BICRAL: variants seen among roughly 807,000 people sequenced by gnomAD.
BICRAL encodes BICRA like chromatin remodeling complex associated protein.
In BICRAL, 8 loss-of-function variants were observed where a neutral mutation model predicts 91.8. That is an observed-to-expected ratio of 0.09 (90% CI 0.05 to 0.16). The LOEUF (loss-of-function observed/expected upper bound fraction) is 0.16, where lower values mean the gene tolerates loss of function less well. BICRAL is among the 10% of genes least tolerant of loss of function. The pLI is 1.00. For missense variants in BICRAL, 1,038 were observed against 1,310.9 expected, an observed-to-expected ratio of 0.79 and a Z score of 3.21; for synonymous variants, 445 against 491.1, an observed-to-expected ratio of 0.91 and a Z score of 1.24.
chr6:42,833,107 G>A (rs1764541518), intron 6 of BICRAL, among the ~76,000 whole-genome samples: 1 of 150,954 alleles, frequency 6.6e-6, no homozygotes, highest in Non-Finnish European at 1.5e-5. Context: ...CCAGGCTGGA[G>A]TGCAGTAGCC....
upstream of BICRAL, among the ~76,000 whole-genome samples, chr6:42,780,666 G>A (rs1762884305): frequency 6.6e-6 from 1 of 152,000 alleles, no homozygotes. Context: ...AGTATATTTT[G>A]TGGGCATTTG....
Position 42,862,567 on chromosome 6 carries a change from A to G in BICRAL, c.2407A>G (p.Arg803Gly). ...MIDRMFNQEE[R>G]ASLSRDKRLA... is the part of the protein sequence containing the mutation. ...CGATAGGATGTTCAACCAGGAGGAA[A>G]GAGCTTCCCTGTCCCGAGACAAGCG... The change falls in exon 12 of 13, where the codon AGA (arginine) becomes GGA (glycine). Residue 803 changes from arginine to glycine, a missense_variant. Physicochemically the swap from Arg to Gly is moderately radical, Grantham distance 125. Coordinates refer to ENST00000314073, the MANE Select transcript of BICRAL (RefSeq NM_001393499.1). The G allele has an allele frequency of 6.2e-7, 1 of 1,612,430 alleles. No homozygotes were observed. The highest frequency in any genetic ancestry group is 1.1e-5 in the South Asian group (1 of 90,998).
chr6:42,809,002 T>C (rs892443665), intron 1 of BICRAL, among the ~76,000 whole-genome samples: 2 of 152,058 alleles, frequency 1.3e-5, no homozygotes, highest in African/African-American at 2.4e-5. Context: ...CCCCATGTTA[T>C]AGCACATTTT....
At chr6:42,782,887 TC>T (rs139136081) in intron 1 of BICRAL, among the ~76,000 whole-genome samples, 4 of 147,948 alleles carry the variant, frequency 2.7e-5, no homozygotes, top group African/African-American at 5.0e-5. Context: ...CCCTCTGTTT[TC>T]CCCCCCTCGT....
At chr6:42,782,328 T>G (rs1204244733) in intron 1 of BICRAL, among the ~76,000 whole-genome samples, 14 of 119,074 alleles carry the variant, frequency 1.2e-4, no homozygotes, top group South Asian at 6.2e-4. Flanking sequence ...TAAGGCTGTG[T>G]TTTTTTTTTT....
rs1378711764 is a variant in BICRAL at position 42,865,296 on chromosome 6, T to C, written c.3090T>C (p.Val1030=). The change falls in exon 13 of 13, where the codon GTT becomes GTC. Residue 1030 remains valine (V), a synonymous_variant. Transcript: ENST00000314073. ...GGCAGCCCCAGAGTGACCCCACGGTTAGCGGCTCTGTTGAGTTAGATTTCC... is the reference window on the plus strand; with the variant it reads ...GGCAGCCCCAGAGTGACCCCACGGTCAGCGGCTCTGTTGAGTTAGATTTCC... ...AGRQPQSDPT[V]SGSVELDFPN... 6.2e-7 allele frequency: 1 copy of C among 1,614,192 alleles called. No homozygotes were observed. Among genetic ancestry groups the C allele is most frequent in the South Asian group, 1.1e-5 (1 of 91,084 alleles).
chr6:42,795,969 G>GTAGTT (rs1274832800), intron 1 of BICRAL, among the ~76,000 whole-genome samples: 1 of 152,210 alleles, frequency 6.6e-6, no homozygotes, highest in Non-Finnish European at 1.5e-5. Context: ...CTACACAACA[G>GTAGTT]TGTATGGTAA....
chr6:42,822,747 A>G, intron 3 of BICRAL, 49 bp from the exon 4 acceptor site: 1 of 972,228 alleles, frequency 1.0e-6, no homozygotes, highest in South Asian at 1.4e-5. Context: ...CTAAATATAG[A>G]TAGTATATTT....
chr6:42,777,926 T>C (rs1469727774), upstream of BICRAL, among the ~76,000 whole-genome samples: 3 of 152,194 alleles, frequency 2.0e-5, no homozygotes, highest in African/African-American at 7.2e-5. Flanking sequence ...TTAAGAACTT[T>C]CCTCTTAAAA....
At chr6:42,857,614 A>AAAAAAAAAAAAAAAAAATATAT in intron 10 of BICRAL, among the ~76,000 whole-genome samples, 1 of 96,240 alleles carries the variant, frequency 1.0e-5, no homozygotes, top group African/African-American at 6.5e-5. Context: ...AAAAAAAAAA[A>AAAAAAAAAAAAAAAAAATATAT]ATATATATAT....
chr6:42,828,802 A>G lies in BICRAL; in HGVS notation c.469A>G (p.Asn157Asp), dbSNP rs1239637252. 2 of 1,614,122 alleles carry G rather than the reference A, an allele frequency of 1.2e-6. No individual in the cohort carries two copies. Among genetic ancestry groups the G allele is most frequent in the South Asian group, 2.2e-5 (2 of 91,074 alleles). ...ASFTQASNVS[N>D]YSGQTLQPIG... ...CTTTACTCAGGCTTCTAATGTTTCTAATTACTCAGGTCAGACGCTGCAGCC... is the reference window on the plus strand; with the variant it reads ...CTTTACTCAGGCTTCTAATGTTTCTGATTACTCAGGTCAGACGCTGCAGCC... The change falls in exon 6 of 13, where the codon AAT (asparagine) becomes GAT (aspartate). Residue 157 changes from asparagine (N) to aspartate (D), a missense_variant. Coordinates refer to ENST00000314073, the MANE Select transcript of BICRAL (RefSeq NM_001393499.1).
intron 1 of BICRAL, among the ~76,000 whole-genome samples, chr6:42,802,361 AGTTT>A (rs903954042): frequency 4.5e-4 from 68 of 152,304 alleles, no homozygotes; most frequent in African/African-American, 1.6e-3. Context: ...ATATTCAGAT[AGTTT>A]GTCTTTATTG....
At chr6:42,820,314 C>A (rs1764103817) in intron 2 of BICRAL, among the ~76,000 whole-genome samples, 2 of 152,120 alleles carry the variant, frequency 1.3e-5, no homozygotes, top group Non-Finnish European at 1.5e-5. Flanking sequence ...AATGAATTCA[C>A]AAAGGATACA....
At chr6:42,793,762 CTTTTTTT>C (rs70990140) in intron 1 of BICRAL, among the ~76,000 whole-genome samples, 7 of 99,244 alleles carry the variant, frequency 7.1e-5, no homozygotes, top group Non-Finnish European at 1.0e-4. Context: ...CTCAAGATGA[CTTTTTTT>C]TTTTTTTTTT....
At position 42,867,326 on chromosome 6, in the gene BICRAL, T is replaced by C. The variant is rs540408873; in HGVS notation, c.*1880T>C. 1 of 153,700 alleles carries C rather than the reference T, an allele frequency of 6.5e-6. No homozygotes were observed. Among genetic ancestry groups the C allele is most frequent in the African/African-American group, 2.4e-5 (1 of 41,582 alleles). 9.5% of individuals were successfully genotyped at this position (153,700 alleles called of 1,614,324 possible). On this transcript the variant is annotated 3_prime_UTR_variant, in exon 13 of 13. Coordinates refer to ENST00000314073, the MANE Select transcript of BICRAL (RefSeq NM_001393499.1). ...AGCCACATGCCCCAGCCAATACAAA[T>C]TGGAAAATCTGGCCCATTTTAGGGT...
intron 1 of BICRAL, among the ~76,000 whole-genome samples, chr6:42,787,883 G>A (rs1347418094): frequency 6.8e-6 from 1 of 146,804 alleles, no homozygotes; most frequent in Non-Finnish European, 1.5e-5. Context: ...TCAAAGAAGA[G>A]GGCTTTTTTT....
intron 2 of BICRAL, among the ~76,000 whole-genome samples, chr6:42,811,947 A>G (rs150055492): frequency 7.2e-5 from 11 of 152,352 alleles, no homozygotes; most frequent in African/African-American, 1.4e-4. Context: ...CTTAAAAGCA[A>G]TCCTTAAAAG....
Position 42,860,347 on chromosome 6 carries a change from A to T in BICRAL, c.2340A>T (p.Glu780Asp). 6.3e-7 allele frequency: 1 copy of T among 1,599,440 alleles called. No individual in the cohort carries two copies. Residue 780 changes from glutamate (E) to aspartate (D), a missense_variant, in exon 11 of 13, where the codon GAA becomes GAT. Glu to Asp is a conservative substitution (Grantham distance 45). Coordinates refer to ENST00000314073, the MANE Select transcript of BICRAL (RefSeq NM_001393499.1). Reference protein sequence around the residue: ...MLNKYRCLLLEDAMRINPSAE... With the variant: ...MLNKYRCLLLDDAMRINPSAE... ...ACAAATACAGATGCCTGCTCCTAGA[A>T]GATGCCATGGTAAAAGTCATGCTAC...
At chr6:42,790,874 T>C (rs1406866620) in intron 1 of BICRAL, among the ~76,000 whole-genome samples, 2 of 151,446 alleles carry the variant, frequency 1.3e-5, no homozygotes, top group African/African-American at 4.9e-5. Context: ...TGGCAGAAGG[T>C]GGGCTGGGGG....
Sources: gnomAD v4.1 joint callset for allele counts (sites outside exome capture counted in the v4.1 genomes callset) on GRCh38, gnomAD v4.1.1 for gene constraint, MANE v1.5 for transcripts, NCBI Gene and HGNC (gene_info 2026-07-23, HGNC 2026-07-21) for gene names.